WWTR1: variants seen among roughly 807,000 people sequenced by gnomAD.
The protein encoded by WWTR1 is WW domain containing transcription regulator 1, also known as WW domain-containing transcription regulator protein 1.
In WWTR1, 13 loss-of-function variants were observed where a neutral mutation model predicts 40.1. The observed-to-expected ratio is 0.32, with a 90% confidence interval of 0.21 to 0.52. The LOEUF (loss-of-function observed/expected upper bound fraction) is 0.52, where lower values mean the gene tolerates loss of function less well. Among genes scored for constraint, WWTR1 ranks in the 20% least tolerant of loss-of-function variants. WWTR1 has a pLI of 0.97. For synonymous variants in WWTR1, 230 were observed against 210.1 expected (o/e 1.09, Z -0.82); for missense variants, 436 against 523.1 (o/e 0.83, Z 1.63).
intron 3 of WWTR1, among the ~76,000 whole-genome samples, chr3:149,546,620 T>C (rs1243958298): frequency 1.3e-5 from 2 of 152,242 alleles, no homozygotes; most frequent in Non-Finnish European, 2.9e-5. Flanking sequence ...TTTCCTTTTC[T>C]GTACTATTTT....
chr3:149,674,802 C>CTCACAGCTAATAT (rs1262452150), intron 1 of WWTR1, among the ~76,000 whole-genome samples: 3 of 24,542 alleles, frequency 1.2e-4, no homozygotes, highest in Admixed American at 6.0e-4. Flanking sequence ...TCTAGTCTAG[C>CTCACAGCTAATAT]TCTTGGTGCT....
chr3:149,529,894 C>T (rs1218450187), intron 4 of WWTR1, among the ~76,000 whole-genome samples: 1 of 152,156 alleles, frequency 6.6e-6, no homozygotes, highest in Non-Finnish European at 1.5e-5. Context: ...ACTCATAACC[C>T]TCATTATCCA....
At chr3:149,702,434 C>T (rs1715208116) in intron 1 of WWTR1, 1 of 150,658 alleles carries the variant, frequency 6.6e-6, no homozygotes, top group East Asian at 1.9e-4. Context: ...AATTTGGTAA[C>T]CTTAGGTAAG....
chr3:149,647,198 A>T (rs928836939), intron 2 of WWTR1, among the ~76,000 whole-genome samples: 8 of 152,256 alleles, frequency 5.3e-5, no homozygotes, highest in African/African-American at 1.9e-4. Context: ...GGAGGGGGAC[A>T]AGAGGACTGG....
intron 2 of WWTR1, among the ~76,000 whole-genome samples, chr3:149,588,902 A>G (rs1738566198): frequency 6.6e-6 from 1 of 152,166 alleles, no homozygotes; most frequent in African/African-American, 2.4e-5. Context: ...TAATACTCCC[A>G]TGAGTGCTTA....
Position 149,520,663 on chromosome 3 carries a change from A to T in WWTR1, c.*142T>A. 1 of 677,388 alleles carries T rather than the reference A, an allele frequency of 1.5e-6. No homozygotes were observed. Among genetic ancestry groups the T allele is most frequent in the Non-Finnish European group, 2.3e-6 (1 of 439,804 alleles). The allele number at this position is 677,388 out of a possible 1,614,324, so 42.0% of individuals were successfully genotyped here. The stretch of plus-strand genomic sequence containing the variant: ...TCTCAATCAAAACCAGGCAATGATT[A>T]AACTGGCAACATAAAAAGGAGGGAG... On this transcript the variant is annotated 3_prime_UTR_variant, in exon 7 of 7. Transcript: ENST00000360632.
chr3:149,667,314 AG>A (rs62708060), intron 2 of WWTR1, among the ~76,000 whole-genome samples: 30,042 of 151,754 alleles, frequency 0.2, 3,228 homozygotes, highest in Admixed American at 0.3. Context: ...TGGGAGGCTG[AG>A]GGGGGGTGGA....
At chr3:149,576,147 G>C in intron 2 of WWTR1, 2 of 455,914 alleles carry the variant, frequency 4.4e-6, no homozygotes, top group Admixed American at 2.3e-5. Context: ...CAGACCAGTC[G>C]ACCTGACATC....
At chr3:149,643,901 T>C (rs1712335616) in intron 2 of WWTR1, among the ~76,000 whole-genome samples, 1 of 152,086 alleles carries the variant, frequency 6.6e-6, no homozygotes, top group Non-Finnish European at 1.5e-5. Flanking sequence ...TCCTCCTACC[T>C]CTCTTTCTCT....
At chr3:149,606,889 C>G (rs1739515566) in intron 2 of WWTR1, among the ~76,000 whole-genome samples, 1 of 152,172 alleles carries the variant, frequency 6.6e-6, no homozygotes, top group Non-Finnish European at 1.5e-5. Flanking sequence ...GACCTGAAGT[C>G]AGATTTAACT....
intron 2 of WWTR1, among the ~76,000 whole-genome samples, chr3:149,590,173 C>T (rs1738626504): frequency 6.6e-6 from 1 of 151,926 alleles, no homozygotes; most frequent in South Asian, 2.1e-4. Flanking sequence ...CTAATAATGA[C>T]AATCATGGTA....
intron 6 of WWTR1, among the ~76,000 whole-genome samples, chr3:149,521,342 T>C (rs76634393): frequency 0.07 from 10,592 of 152,276 alleles, 462 homozygotes; most frequent in Admixed American, 0.098. Context: ...ACAGGTTTCA[T>C]TGTAAGCTTA....
At chr3:149,665,802 C>T (rs1713792068) in intron 2 of WWTR1, among the ~76,000 whole-genome samples, 1 of 152,046 alleles carries the variant, frequency 6.6e-6, no homozygotes, top group Admixed American at 6.6e-5. Context: ...ATAAATATTT[C>T]TCTTTGTGTG....
chr3:149,613,094 T>G (rs111823762), intron 2 of WWTR1, among the ~76,000 whole-genome samples: 9 of 152,216 alleles, frequency 5.9e-5, no homozygotes, highest in African/African-American at 2.2e-4. Context: ...TTTTTATACT[T>G]TCAGGATCAT....
At chr3:149,600,220 T>C (rs1488978264) in intron 2 of WWTR1, among the ~76,000 whole-genome samples, 3 of 152,190 alleles carry the variant, frequency 2.0e-5, no homozygotes, top group Non-Finnish European at 4.4e-5. Context: ...CACAGTGTAA[T>C]CAAATGGGGC....
intron 2 of WWTR1, among the ~76,000 whole-genome samples, chr3:149,622,502 G>GAAGGAAGGAAGAAAGAAAAGA (rs1553800283): frequency 2.2e-5 from 1 of 46,298 alleles, no homozygotes; most frequent in Non-Finnish European, 4.3e-5. Context: ...AGGAAGGAAG[G>GAAGGAAGGAAGAAAGAAAAGA]AAGAAAGAAA....
At chr3:149,687,502 A>G (rs915076363) in intron 1 of WWTR1, among the ~76,000 whole-genome samples, 5 of 152,252 alleles carry the variant, frequency 3.3e-5, no homozygotes, top group African/African-American at 1.2e-4. Flanking sequence ...AACCAATTAC[A>G]GTAGCTAATA....
At chr3:149,676,944 GTT>G (rs1424766451) in intron 1 of WWTR1, among the ~76,000 whole-genome samples, 1 of 149,182 alleles carries the variant, frequency 6.7e-6, no homozygotes, top group Non-Finnish European at 1.5e-5. Flanking sequence ...TTTAGACGGA[GTT>G]TCCCTCTTGT....
In WWTR1 at chr3:149,573,018, A is replaced by G. The variant is rs1214364063; in HGVS notation, c.432-18T>C. On this transcript the variant is annotated intron_variant, in intron 2 of 6. Transcript: ENST00000360632. ...CTATGTGACTAAAAGAAGGAAAACA[A>G]TTAATTATCTTTTTAATTGTCAGCA... 2.0e-5 allele frequency: 32 copies of G among 1,579,284 alleles called. No homozygotes were observed. Among genetic ancestry groups the G allele is most frequent in the Non-Finnish European group, 2.7e-5 (31 of 1,168,152 alleles).
Sources: gnomAD v4.1 joint callset for allele counts (sites outside exome capture counted in the v4.1 genomes callset) on GRCh38, gnomAD v4.1.1 for gene constraint, MANE v1.5 for transcripts, NCBI Gene and HGNC (gene_info 2026-07-23, HGNC 2026-07-21) for gene names.